PIAS2: variants seen among roughly 807,000 people sequenced by gnomAD.
PIAS2 encodes E3 SUMO-protein ligase PIAS2.
PIAS2 carries 19 observed loss-of-function variants against 69.7 expected under a neutral mutation model. The observed-to-expected ratio is 0.27, with a 90% CI of 0.19 to 0.40. The LOEUF (loss-of-function observed/expected upper bound fraction) is 0.40. Among genes scored for constraint, PIAS2 ranks in the 10% least tolerant of loss-of-function variants. The probability of loss-of-function intolerance (pLI) is 1.00; values close to 1 mark genes in which losing one functional copy is unlikely to be tolerated. For missense variants in PIAS2, 624 were observed against 757.0 expected, an observed-to-expected ratio of 0.82 and a Z score of 2.06; for synonymous variants, 261 against 263.2, an observed-to-expected ratio of 0.99 and a Z score of 0.08.
chr18:46,817,335 T>G, intron 12 of PIAS2: 1 of 980,536 alleles, frequency 1.0e-6, no homozygotes, highest in Middle Eastern at 5.2e-4. Flanking sequence ...TATTTCAATT[T>G]CAGAATTTCA....
chr18:46,835,757 A>C (rs2044337943), intron 9 of PIAS2, among the ~76,000 whole-genome samples: 1 of 152,192 alleles, frequency 6.6e-6, no homozygotes, highest in Non-Finnish European at 1.5e-5. Context: ...TGGTACTGCT[A>C]ATTTTATTTT....
chr18:46,897,534 C>CT (rs1345523188), intron 1 of PIAS2, among the ~76,000 whole-genome samples: 1 of 152,108 alleles, frequency 6.6e-6, no homozygotes, highest in East Asian at 1.9e-4. Flanking sequence ...AATCACTGAT[C>CT]TCCTTTAAAG....
At chr18:46,813,687 A>G (rs2041212947) in intron 13 of PIAS2, among the ~76,000 whole-genome samples, 1 of 152,336 alleles carries the variant, frequency 6.6e-6, no homozygotes, top group East Asian at 1.9e-4. Flanking sequence ...GCCGGTGAAT[A>G]AAACAGGAAC....
intron 2 of PIAS2, among the ~76,000 whole-genome samples, chr18:46,883,737 G>T (rs1207186399): frequency 6.6e-6 from 1 of 152,158 alleles, no homozygotes; most frequent in Non-Finnish European, 1.5e-5. Context: ...AGCTACTCAG[G>T]AAGCCTAGGT....
At chr18:46,854,345 C>T (rs758887359) in intron 5 of PIAS2, among the ~76,000 whole-genome samples, 106 of 152,282 alleles carry the variant, frequency 7.0e-4, no homozygotes, top group Non-Finnish European at 1.3e-3. Context: ...TCAATAGTTG[C>T]GAAGAGTGTC....
chr18:46,824,635 T>C (rs1331755230), intron 11 of PIAS2, among the ~76,000 whole-genome samples: 1 of 152,174 alleles, frequency 6.6e-6, no homozygotes, highest in Non-Finnish European at 1.5e-5. Flanking sequence ...TATTTTTTGC[T>C]TTCTTCTTGG....
chr18:46,886,794 C>T (rs542764325), intron 2 of PIAS2, among the ~76,000 whole-genome samples: 38 of 152,118 alleles, frequency 2.5e-4, no homozygotes, highest in African/African-American at 8.0e-4. Flanking sequence ...GCCGAGACAG[C>T]GCCACCGCCC....
chr18:46,906,845 T>G (rs1386182683), intron 1 of PIAS2, among the ~76,000 whole-genome samples: 1 of 150,606 alleles, frequency 6.6e-6, no homozygotes, highest in Admixed American at 6.6e-5. Flanking sequence ...AATCAAGAAG[T>G]TCCTTGAACA....
At chr18:46,884,401 C>T (rs2052793014) in intron 2 of PIAS2, among the ~76,000 whole-genome samples, 1 of 151,964 alleles carries the variant, frequency 6.6e-6, no homozygotes, top group Admixed American at 6.5e-5. Context: ...CAAGCTCCGC[C>T]TCCCAGATTC....
chr18:46,874,326 A>G (rs1290500676), intron 2 of PIAS2, among the ~76,000 whole-genome samples: 1 of 152,172 alleles, frequency 6.6e-6, no homozygotes, highest in Admixed American at 6.5e-5. Context: ...TCCCTTTTCA[A>G]GTGCAGCCAC....
chr18:46,864,322 G>A, intron 2 of PIAS2, 74 bp from the exon 3 acceptor site: 3 of 987,326 alleles, frequency 3.0e-6, no homozygotes, highest in Non-Finnish European at 4.5e-6. Flanking sequence ...CAATAACCAG[G>A]CATTTTTTAT....
chr18:46,837,633 T>C (rs183440307), intron 8 of PIAS2, among the ~76,000 whole-genome samples: 2 of 152,356 alleles, frequency 1.3e-5, no homozygotes, highest in Admixed American at 1.3e-4. Flanking sequence ...ACTGTGTCAA[T>C]TTTTCAACAT....
At chr18:46,868,308 T>C (rs1181978827) in intron 2 of PIAS2, among the ~76,000 whole-genome samples, 3 of 152,202 alleles carry the variant, frequency 2.0e-5, no homozygotes, top group Non-Finnish European at 2.9e-5. Flanking sequence ...AAACAACTAC[T>C]TCTGCCAGTC....
intron 11 of PIAS2, 71 bp downstream of exon 11, chr18:46,827,888 C>G (rs2043041255): frequency 2.3e-6 from 3 of 1,286,926 alleles, no homozygotes; most frequent in Non-Finnish European, 3.2e-6. Flanking sequence ...CCCAAAGAGA[C>G]ATTTATAAAT....
intron 2 of PIAS2, among the ~76,000 whole-genome samples, chr18:46,872,035 A>G (rs2050433062): frequency 1.3e-5 from 2 of 152,226 alleles, no homozygotes; most frequent in African/African-American, 4.8e-5. Context: ...AGTAAGAAGA[A>G]AGCAATATCC....
intron 1 of PIAS2, among the ~76,000 whole-genome samples, chr18:46,912,510 A>G (rs901970581): frequency 1.3e-5 from 2 of 152,224 alleles, no homozygotes; most frequent in Admixed American, 6.5e-5. Context: ...ATTCACAGAC[A>G]TGAAGGGCCA....
At chr18:46,887,507 T>G (rs2053405968) in intron 2 of PIAS2, among the ~76,000 whole-genome samples, 1 of 152,206 alleles carries the variant, frequency 6.6e-6, no homozygotes, top group Admixed American at 6.5e-5. Context: ...CCCAATTTAT[T>G]TCATAAAGAA....
chr18:46,814,234 T>C (rs1182263007), intron 13 of PIAS2, among the ~76,000 whole-genome samples: 4 of 152,164 alleles, frequency 2.6e-5, no homozygotes, highest in Non-Finnish European at 5.9e-5. Context: ...CTAAGGATTC[T>C]ATGGCAAACT....
At chr18:46,903,054 A>G (rs188892062) in intron 1 of PIAS2, among the ~76,000 whole-genome samples, 2 of 152,364 alleles carry the variant, frequency 1.3e-5, no homozygotes, top group Admixed American at 1.3e-4. Context: ...CCTTATACAA[A>G]AATAACTCCA....
Sources: allele counts gnomAD v4.1 joint callset (sites outside exome capture counted in the v4.1 genomes callset), GRCh38; gene constraint gnomAD v4.1.1; transcripts MANE v1.5; gene names NCBI Gene and HGNC (gene_info 2026-07-23, HGNC 2026-07-21).